Variants in CEP135 observed in about 807,000 individuals in gnomAD.
CEP135 encodes the protein centrosomal protein of 135 kDa.
A neutral mutation model predicts 157.3 loss-of-function variants in CEP135; 142 were observed. The observed-to-expected ratio is 0.90, with a 90% CI of 0.79 to 1.04. The LOEUF (loss-of-function observed/expected upper bound fraction) is 1.04, where lower values mean the gene tolerates loss of function less well. CEP135 is among the 50% of genes least tolerant of loss of function. The pLI is 0.00. For synonymous variants in CEP135, 396 were observed against 439.8 expected (o/e 0.90, Z 1.25); for missense variants, 1,317 against 1,309.2 (o/e 1.01, Z -0.09).
chr4:55,980,365 A>G (rs1367126907), intron 12 of CEP135, 70 bp downstream of exon 12: 9 of 936,448 alleles, frequency 9.6e-6, no homozygotes. Flanking sequence ...GCCTGTATAT[A>G]TCTTTCACAT....
chr4:56,021,161 A>G (rs1730962636), intron 24 of CEP135, among the ~76,000 whole-genome samples: 1 of 152,212 alleles, frequency 6.6e-6, no homozygotes, highest in Admixed American at 6.5e-5. Context: ...AAGAGCTCCA[A>G]AATGTATGGT....
At chr4:55,992,827 T>A (rs1400104220) in intron 15 of CEP135, among the ~76,000 whole-genome samples, 1 of 152,186 alleles carries the variant, frequency 6.6e-6, no homozygotes, top group Non-Finnish European at 1.5e-5. Context: ...CATTAATTAA[T>A]TTAGAATACA....
intron 5 of CEP135, among the ~76,000 whole-genome samples, chr4:55,958,131 A>G (rs915224268): frequency 6.6e-5 from 10 of 152,336 alleles, no homozygotes; most frequent in Middle Eastern, 3.4e-3. Context: ...CTCAATAGAT[A>G]AAGCTAAAAA....
intron 14 of CEP135, among the ~76,000 whole-genome samples, chr4:55,986,513 G>T (rs1158790922): frequency 6.6e-6 from 1 of 152,112 alleles, no homozygotes; most frequent in African/African-American, 2.4e-5. Flanking sequence ...CTGCACTCCA[G>T]TCTGGGTGAC....
chr4:55,968,079 C>T lies in CEP135; in HGVS notation c.1045-984C>T, dbSNP rs186128916. Among the ~76,000 whole-genome samples the T allele has an allele frequency of 3.2e-3, 488 of 152,262 alleles. 1 individual carries two copies. The highest frequency in any genetic ancestry group is 4.6e-3 in the Non-Finnish European group (311 of 68,008). On this transcript the variant is annotated intron_variant, in intron 8 of 25. Transcript: ENST00000257287. ...TCAGCAAAATTGCAGGATACAAAAT[C>T]AGCACACAAAAATCAGATGTTTTTC...
chr4:55,961,607 A>T (rs1055518981), intron 6 of CEP135, among the ~76,000 whole-genome samples: 6 of 151,696 alleles, frequency 4.0e-5, no homozygotes, highest in African/African-American at 1.2e-4. Flanking sequence ...TCTACTAAAA[A>T]TACAAAATTA....
chr4:56,007,437 T>C (rs1339770721), intron 17 of CEP135, among the ~76,000 whole-genome samples: 1 of 152,162 alleles, frequency 6.6e-6, no homozygotes, highest in Non-Finnish European at 1.5e-5. Flanking sequence ...AGGGGACCTG[T>C]GGAATGTACC....
chr4:55,990,296 G>A (rs1729741823), intron 14 of CEP135, among the ~76,000 whole-genome samples: 2 of 152,162 alleles, frequency 1.3e-5, no homozygotes, highest in African/African-American at 2.4e-5. Flanking sequence ...TGTCATTTTA[G>A]CAATGCTTTC....
intron 17 of CEP135, among the ~76,000 whole-genome samples, chr4:56,007,384 G>A (rs1055053259): frequency 1.3e-5 from 2 of 152,242 alleles, no homozygotes; most frequent in African/African-American, 4.8e-5. Context: ...TCCCAAAGGG[G>A]ATGTCCCAGC....
chr4:55,988,422 G>A (rs2109696037), intron 14 of CEP135, among the ~76,000 whole-genome samples: 1 of 152,302 alleles, frequency 6.6e-6, no homozygotes, highest in Admixed American at 6.5e-5. Flanking sequence ...CTCTTTGGGA[G>A]TCAGAGGCAG....
chr4:55,981,106 AAG>A, intron 12 of CEP135, 119 bp from the exon 13 acceptor site: 1 of 846,314 alleles, frequency 1.2e-6, no homozygotes, highest in East Asian at 3.3e-5. Context: ...GGGATTTGCG[AAG>A]AGAGTGACGG....
chr4:55,964,127 G>A (rs1728769455), intron 6 of CEP135, 147 bp from the exon 7 acceptor site: 2 of 607,642 alleles, frequency 3.3e-6, no homozygotes, highest in Non-Finnish European at 2.6e-6. Context: ...CTGCATTTAT[G>A]CATATAATAT....
At chr4:55,985,612 G>A (rs1310415121) in intron 14 of CEP135, among the ~76,000 whole-genome samples, 2 of 151,862 alleles carry the variant, frequency 1.3e-5, no homozygotes, top group East Asian at 1.9e-4. Context: ...GTGCCACCAT[G>A]CCCGGCTAAT....
At position 55,954,280 on chromosome 4, in the gene CEP135, A is replaced by T. The variant is rs147451921; in HGVS notation, c.369A>T (p.Gln123His). The change falls in exon 4 of 26, where the codon CAA (glutamine) becomes CAT (histidine). Residue 123 changes from glutamine to histidine, a missense_variant. By Grantham distance (24) the Gln-to-His change is conservative (BLOSUM62 0). Coordinates refer to ENST00000257287, the MANE Select transcript of CEP135 (RefSeq NM_025009.5). ...ETADLKFLNN[Q>H]YAHKLKLLEK... ...CTGATCTGAAATTTCTGAATAACCAATATGCTCATAAACTCAAACTGTTGG... is the reference window on the plus strand; with the variant it reads ...CTGATCTGAAATTTCTGAATAACCATTATGCTCATAAACTCAAACTGTTGG... 195 of 1,610,380 alleles carry T rather than the reference A, an allele frequency of 1.2e-4. No individual in the cohort carries two copies. Among genetic ancestry groups the T allele is most frequent in the Non-Finnish European group, 1.6e-4 (192 of 1,178,554 alleles).
At chr4:56,024,388 A>G (rs1731080341) in intron 24 of CEP135, 113 bp from the exon 25 acceptor site, 1 of 649,608 alleles carries the variant, frequency 1.5e-6, no homozygotes, top group South Asian at 2.2e-5. Context: ...TAAATTTAAT[A>G]GTAATACTAA....
chr4:56,006,540 C>T (rs1409294354), intron 17 of CEP135, among the ~76,000 whole-genome samples: 1 of 152,138 alleles, frequency 6.6e-6, no homozygotes, highest in East Asian at 1.9e-4. Context: ...TCCGTTGAGT[C>T]CTAGGTGGTT....
intron 24 of CEP135, among the ~76,000 whole-genome samples, chr4:56,022,881 A>G (rs560855780): frequency 6.6e-6 from 1 of 152,124 alleles, no homozygotes; most frequent in Non-Finnish European, 1.5e-5. Flanking sequence ...GGATCACTTG[A>G]GGCCAGGAAT....
At chr4:56,027,269 G>C (rs542206106) in intron 25 of CEP135, among the ~76,000 whole-genome samples, 54 of 152,168 alleles carry the variant, frequency 3.5e-4, no homozygotes, top group Non-Finnish European at 6.6e-4. Context: ...GTTTAGATCA[G>C]GGGTTGGTTG....
chr4:56,006,668 T>C (rs1412376218), intron 17 of CEP135, among the ~76,000 whole-genome samples: 1 of 152,212 alleles, frequency 6.6e-6, no homozygotes, highest in Non-Finnish European at 1.5e-5. Context: ...ATTTTCTGTG[T>C]TATCTTGGAG....
Sources: allele counts gnomAD v4.1 joint callset (sites outside exome capture counted in the v4.1 genomes callset), GRCh38; gene constraint gnomAD v4.1.1; transcripts MANE v1.5; gene names NCBI Gene and HGNC (gene_info 2026-07-23, HGNC 2026-07-21).